PCDHA7: variants seen among roughly 807,000 people sequenced by gnomAD.
PCDHA7 encodes the protein protocadherin alpha-7.
PCDHA7 carries 37 observed loss-of-function variants against 57.2 expected under a neutral mutation model. The observed-to-expected ratio is 0.65, with a 90% CI of 0.50 to 0.85. The LOEUF (loss-of-function observed/expected upper bound fraction) is 0.85. Among genes scored for constraint, PCDHA7 ranks in the 40% least tolerant of loss-of-function variants. The pLI, the probability that PCDHA7 is intolerant of heterozygous loss-of-function variation, is 0.00. For missense variants in PCDHA7, 1,188 were observed against 1,241.8 expected, an observed-to-expected ratio of 0.96 and a Z score of 0.65; for synonymous variants, 553 against 558.8, an observed-to-expected ratio of 0.99 and a Z score of 0.15.
At chr5:140,901,006 C>T (rs2068410974) in intron 1 of PCDHA7, among the ~76,000 whole-genome samples, 2 of 152,070 alleles carry the variant, frequency 1.3e-5, no homozygotes, top group African/African-American at 4.8e-5. Flanking sequence ...AGTATGTCTT[C>T]TTTTGAGAAA....
intron 1 of PCDHA7, among the ~76,000 whole-genome samples, chr5:140,901,931 C>G (rs2068990642): frequency 6.6e-6 from 1 of 151,430 alleles, no homozygotes; most frequent in Non-Finnish European, 1.5e-5. Context: ...TGGTTAATTC[C>G]TAGGTATATT....
intron 1 of PCDHA7, chr5:140,862,894 T>A (rs251369): frequency 0.66 from 367,469 of 559,470 alleles, 121,120 homozygotes; most frequent in Middle Eastern, 0.71. Flanking sequence ...AACGACAACT[T>A]TGTCTGCGCT....
intron 1 of PCDHA7, chr5:140,837,006 G>A (rs1774868844): frequency 3.1e-6 from 1 of 317,894 alleles, no homozygotes; most frequent in African/African-American, 2.2e-5. Context: ...TGGAGCAATG[G>A]ATTCACCTTT....
chr5:140,928,994 T>C, intron 1 of PCDHA7: 1 of 1,613,992 alleles, frequency 6.2e-7, no homozygotes. Context: ...TGCTTACTTT[T>C]CTTCGTGTGT....
At chr5:140,961,561 T>C (rs1554225472) in intron 1 of PCDHA7, among the ~76,000 whole-genome samples, 1 of 152,170 alleles carries the variant, frequency 6.6e-6, no homozygotes, top group African/African-American at 2.4e-5. Flanking sequence ...TTTTTTTAAA[T>C]TTTGTTTTGA....
At chr5:140,851,486 C>T in intron 1 of PCDHA7, 1 of 886,580 alleles carries the variant, frequency 1.1e-6, no homozygotes, top group Non-Finnish European at 1.4e-6. Flanking sequence ...ATAAACACAG[C>T]CTTCATTTCA....
intron 1 of PCDHA7, among the ~76,000 whole-genome samples, chr5:140,886,040 C>T (rs533442744): frequency 9.2e-5 from 14 of 152,118 alleles, no homozygotes; most frequent in Non-Finnish European, 1.9e-4. Context: ...AAGTTTTCCC[C>T]AATAGTAACA....
chr5:140,998,836 T>C (rs1388208720), intron 3 of PCDHA7, among the ~76,000 whole-genome samples: 2 of 152,254 alleles, frequency 1.3e-5, no homozygotes, highest in Non-Finnish European at 2.9e-5. Context: ...AGTGCTGGAT[T>C]ACTGGTGTGA....
At chr5:140,991,417 C>G (rs782178829) in intron 3 of PCDHA7, among the ~76,000 whole-genome samples, 79 of 152,196 alleles carry the variant, frequency 5.2e-4, no homozygotes, top group Admixed American at 1.5e-3. Context: ...TATGCTATAA[C>G]AAATTAACCA....
At chr5:140,910,067 G>C (rs868941459) in intron 1 of PCDHA7, among the ~76,000 whole-genome samples, 1 of 152,194 alleles carries the variant, frequency 6.6e-6, no homozygotes, top group Non-Finnish European at 1.5e-5. Flanking sequence ...TTTTAACAGC[G>C]TAAATTGTTG....
At chr5:140,882,069 G>T in intron 1 of PCDHA7, 1 of 844,446 alleles carries the variant, frequency 1.2e-6, no homozygotes, top group Non-Finnish European at 1.8e-6. Flanking sequence ...ACGTTCATGC[G>T]CATGGTGTCG....
chr5:140,934,209 C>G (rs1554209791), intron 1 of PCDHA7, among the ~76,000 whole-genome samples: 1 of 152,068 alleles, frequency 6.6e-6, no homozygotes, highest in Non-Finnish European at 1.5e-5. Context: ...TTTCCTCACA[C>G]AAAATGTTTA....
chr5:140,881,269 GAAGT>G (rs1235494766), intron 1 of PCDHA7: 1 of 648,656 alleles, frequency 1.5e-6, no homozygotes, highest in African/African-American at 2.0e-5. Context: ...CAGTGATGAT[GAAGT>G]AAGATGGAGA....
intron 1 of PCDHA7, among the ~76,000 whole-genome samples, chr5:140,921,791 A>G (rs1170709759): frequency 3.9e-5 from 6 of 152,160 alleles, no homozygotes; most frequent in Non-Finnish European, 5.9e-5. Context: ...GATGTTCTAG[A>G]TAACACAAGA....
At chr5:140,954,065 G>A (rs2153701349) in intron 1 of PCDHA7, among the ~76,000 whole-genome samples, 1 of 152,278 alleles carries the variant, frequency 6.6e-6, no homozygotes, top group African/African-American at 2.4e-5. Context: ...TTATTATGCT[G>A]AGGATAATGG....
chr5:140,982,507 G>C lies in PCDHA7; in HGVS notation c.2447G>C (p.Arg816Pro). 6.2e-7 allele frequency: 1 copy of C among 1,614,138 alleles called. No homozygotes were observed. ...CACCTAGAGGAGGCTGGCATTCTAC[G>C]GGCTGGTCCAGGAGGGCCTGATCAG... ...SVHLEEAGIL[R>P]AGPGGPDQQW... is the part of the protein sequence containing the mutation. The change falls in exon 3 of 4, where the codon CGG becomes CCG. Residue 816 changes from arginine to proline, a missense_variant. This residue lies in a region of PCDHA7 where 892 missense variants were observed against 788.5 expected (regional missense o/e 1.13). Coordinates refer to ENST00000525929, the MANE Select transcript of PCDHA7 (RefSeq NM_018910.3).
intron 1 of PCDHA7, chr5:140,927,555 C>G: frequency 6.2e-7 from 1 of 1,614,176 alleles, no homozygotes. Context: ...AAGTCACCAT[C>G]ATTGTGGTGG....
At chr5:140,873,867 G>A (rs2054538446) in intron 1 of PCDHA7, among the ~76,000 whole-genome samples, 1 of 152,098 alleles carries the variant, frequency 6.6e-6, no homozygotes, top group Non-Finnish European at 1.5e-5. Flanking sequence ...CACCATGTTG[G>A]CCAGGCTGGT....
chr5:140,861,578 C>A (rs1425852721), intron 1 of PCDHA7: 2 of 361,296 alleles, frequency 5.5e-6, no homozygotes, highest in Non-Finnish European at 1.1e-5. Flanking sequence ...TACAGGTTTT[C>A]CATGTGGAGG....
Sources: gnomAD v4.1 joint callset for allele counts (sites outside exome capture counted in the v4.1 genomes callset) on GRCh38, gnomAD v4.1.1 for gene constraint, gnomAD v4.1.1 regional missense constraint, MANE v1.5 for transcripts, NCBI Gene and HGNC (gene_info 2026-07-23, HGNC 2026-07-21) for gene names.